MCM10: variants seen among roughly 807,000 people sequenced by gnomAD.
MCM10 encodes the protein protein MCM10 homolog.
MCM10 carries 91 observed loss-of-function variants against 109.9 expected under a neutral mutation model. That is an observed-to-expected ratio of 0.83 (90% CI 0.70 to 0.99). MCM10 has a LOEUF of 0.99. MCM10 is among the 50% of genes least tolerant of loss of function. MCM10 has a pLI of 0.00. For missense variants in MCM10, 1,077 were observed against 1,061.2 expected (o/e 1.01, Z -0.21); for synonymous variants, 380 against 387.2 (o/e 0.98, Z 0.22).
Position 13,170,946 on chromosome 10 carries a change from T to C in MCM10, c.32T>C (p.Leu11Pro). The change falls in exon 3 of 20, where the codon CTG (leucine) becomes CCG (proline). Residue 11 changes from leucine (L) to proline (P), a missense_variant. By Grantham distance (98) the Leu-to-Pro change is moderately conservative. Transcript: ENST00000378714. ...GAGGAGGAAGACAATCTGTCTCTGC[T>C]GACCGCACTGCTGGAAGAAAATGAG... is the stretch of plus-strand genomic sequence containing the variant. MDEEEDNLSL[L>P]TALLEENESA... 6.2e-7 allele frequency: 1 copy of C among 1,614,110 alleles called. No homozygotes were observed. The highest frequency in any genetic ancestry group is 8.5e-7 in the Non-Finnish European group (1 of 1,179,940).
intron 10 of MCM10, among the ~76,000 whole-genome samples, chr10:13,191,092 T>C (rs890474722): frequency 2.6e-5 from 4 of 152,252 alleles, no homozygotes; most frequent in African/African-American, 9.6e-5. Flanking sequence ...TCAAGTGGAT[T>C]TGTAGGCTGC....
intron 8 of MCM10, among the ~76,000 whole-genome samples, chr10:13,183,997 A>G (rs1194441888): frequency 6.6e-6 from 1 of 152,120 alleles, no homozygotes; most frequent in South Asian, 2.1e-4. Context: ...CTGGGATTAC[A>G]GGCATGTGCC....
intron 6 of MCM10, among the ~76,000 whole-genome samples, chr10:13,179,563 A>G (rs535044446): frequency 6.6e-6 from 1 of 152,192 alleles, no homozygotes; most frequent in Non-Finnish European, 1.5e-5. Context: ...GTGAAGAACC[A>G]TGTTTTTCTC....
Position 13,195,319 on chromosome 10 carries a change from AGAGCTG to A in MCM10, c.1974+54_1974+59del, listed in dbSNP as rs1159571255. The A allele has an allele frequency of 3.5e-6, 5 of 1,419,370 alleles. No homozygotes were observed. The African/African-American group carries it at 7.1e-5, about 20-fold the overall frequency. The allele number at this position is 1,419,370 out of a possible 1,614,324, so 87.9% of individuals were successfully genotyped here. Reference sequence around the variant, plus strand: ...CACTTGAGTTTGCATTCTGTAGAGCAGAGCTGGAGGAAAGACAGACACCTAATAGCT... The same window carrying A: ...CACTTGAGTTTGCATTCTGTAGAGCAGAGGAAAGACAGACACCTAATAGCT... On this transcript the variant is annotated intron_variant, in intron 14 of 19. Transcript: ENST00000378714.
At chr10:13,190,807 A>G (rs1834337952) in intron 10 of MCM10, among the ~76,000 whole-genome samples, 1 of 151,368 alleles carries the variant, frequency 6.6e-6, no homozygotes, top group African/African-American at 2.4e-5. Context: ...CTTTGTATCC[A>G]CTTTTTTTCC....
At chr10:13,185,967 G>T (rs1398583375) in intron 8 of MCM10, among the ~76,000 whole-genome samples, 197 bp from the exon 9 acceptor site, 1 of 152,158 alleles carries the variant, frequency 6.6e-6, no homozygotes. Flanking sequence ...TTGCCACATT[G>T]CCTAGGCTAG....
At chr10:13,191,182 G>A (rs568673421) in intron 10 of MCM10, 117 bp from the exon 11 acceptor site, 1 of 681,698 alleles carries the variant, frequency 1.5e-6, no homozygotes, top group East Asian at 2.6e-5. Context: ...TACTTAGATG[G>A]TGTTTTGAGA....
chr10:13,183,221 C>A, intron 8 of MCM10, 121 bp downstream of exon 8: 2 of 1,114,870 alleles, frequency 1.8e-6, no homozygotes, highest in Non-Finnish European at 2.5e-6. Context: ...TTTGGGGAGG[C>A]CAAAGCGGGA....
At chr10:13,184,744 G>A (rs528895127) in intron 8 of MCM10, among the ~76,000 whole-genome samples, 1 of 152,270 alleles carries the variant, frequency 6.6e-6, no homozygotes, top group African/African-American at 2.4e-5. Flanking sequence ...AAACACTATA[G>A]TGATTTAAGA....
At chr10:13,174,578 T>C (rs1204002884) in intron 5 of MCM10, among the ~76,000 whole-genome samples, 2 of 152,198 alleles carry the variant, frequency 1.3e-5, no homozygotes, top group African/African-American at 4.8e-5. Flanking sequence ...TCTAGTACAG[T>C]AGCCACTAGC....
At chr10:13,170,874 T>G in intron 2 of MCM10, 48 bp from the exon 3 acceptor site, 1 of 1,521,548 alleles carries the variant, frequency 6.6e-7, no homozygotes, top group Non-Finnish European at 9.0e-7. Flanking sequence ...GTTGAATGTT[T>G]GGAATTAGCC....
At position 13,188,892 on chromosome 10, in the gene MCM10, G is replaced by A; in HGVS notation, c.1227G>A (p.Glu409=). Residue 409 remains glutamate, a synonymous_variant, in exon 10 of 20, where the codon GAG becomes GAA. Coordinates refer to ENST00000378714, the MANE Select transcript of MCM10 (RefSeq NM_018518.5). The part of the protein sequence containing the change: ...CTQTVNLRDC[E]YCQYHVQAQY... ...TCTGCCTTTTGCAGCGTGACTGTGAGTACTGTCAGTACCATGTCCAGGCTC... is the reference window on the plus strand; with the variant it reads ...TCTGCCTTTTGCAGCGTGACTGTGAATACTGTCAGTACCATGTCCAGGCTC... 6.2e-7 allele frequency: 1 copy of A among 1,614,090 alleles called. No individual in the cohort carries two copies. The highest frequency in any genetic ancestry group is 8.5e-7 in the Non-Finnish European group (1 of 1,179,966).
intron 2 of MCM10, among the ~76,000 whole-genome samples, chr10:13,166,916 A>G (rs994994545): frequency 6.6e-6 from 1 of 151,936 alleles, no homozygotes; most frequent in African/African-American, 2.4e-5. Flanking sequence ...AGGCAGGAGC[A>G]TCGCTTGAGG....
At position 13,205,893 on chromosome 10, in the gene MCM10, G is replaced by T. The variant is rs115422263; in HGVS notation, c.2498+1529G>T. Reference sequence around the variant, plus strand: ...ATACGGAGGCAGAGCTGCCGTGTTTGACAGTCAAGGAACATCCTTCACATA... The same window carrying T: ...ATACGGAGGCAGAGCTGCCGTGTTTTACAGTCAAGGAACATCCTTCACATA... On this transcript the variant is annotated intron_variant, in intron 18 of 19. Transcript: ENST00000378714. Among the ~76,000 whole-genome samples, 860 of 152,264 alleles carry T rather than the reference G, an allele frequency of 5.6e-3. 9 individuals are homozygous for T. Among genetic ancestry groups the T allele is most frequent in the African/African-American group, 0.018 (734 of 41,542 alleles).
At chr10:13,205,707 T>C (rs1028014426) in intron 18 of MCM10, among the ~76,000 whole-genome samples, 1 of 152,226 alleles carries the variant, frequency 6.6e-6, no homozygotes, top group African/African-American at 2.4e-5. Context: ...TTTTTAATAA[T>C]AGCCATTCTT....
intron 17 of MCM10, among the ~76,000 whole-genome samples, chr10:13,203,636 G>A (rs922016735): frequency 5.9e-5 from 9 of 152,092 alleles, no homozygotes; most frequent in Non-Finnish European, 1.0e-4. Flanking sequence ...AAGTTACATC[G>A]CTCTCTACTG....
intron 13 of MCM10, among the ~76,000 whole-genome samples, chr10:13,193,756 T>C (rs1425468981): frequency 4.6e-5 from 7 of 152,120 alleles, no homozygotes; most frequent in Admixed American, 4.6e-4. Context: ...GACACAGAAA[T>C]ATGTATGGAG....
intron 6 of MCM10, among the ~76,000 whole-genome samples, chr10:13,176,880 C>T (rs1834148573): frequency 6.6e-6 from 1 of 152,216 alleles, no homozygotes; most frequent in Non-Finnish European, 1.5e-5. Flanking sequence ...GGCAACAGAA[C>T]AAGACCTTGT....
At chr10:13,178,212 C>G (rs571320398) in intron 6 of MCM10, among the ~76,000 whole-genome samples, 15 of 152,298 alleles carry the variant, frequency 9.8e-5, no homozygotes, top group Admixed American at 6.5e-4. Flanking sequence ...TCTTGCCTCT[C>G]AGCCTCCCGA....
Sources: gnomAD v4.1 joint callset for allele counts (sites outside exome capture counted in the v4.1 genomes callset) on GRCh38, gnomAD v4.1.1 for gene constraint, MANE v1.5 for transcripts, NCBI Gene and HGNC (gene_info 2026-07-23, HGNC 2026-07-21) for gene names.